Variants in CTSV observed in about 807,000 individuals in gnomAD.
CTSV encodes the protein cathepsin L2.
A neutral mutation model predicts 35.6 loss-of-function variants in CTSV; 33 were observed. The ratio of observed to expected loss-of-function variants is 0.93; its 90% confidence interval spans 0.70 to 1.24. The LOEUF (loss-of-function observed/expected upper bound fraction) is 1.24. CTSV is among the 50% of genes most tolerant of loss of function. The pLI is 0.00. For synonymous variants in CTSV, 154 were observed against 147.1 expected (o/e 1.05, Z -0.34); for missense variants, 408 against 413.1 (o/e 0.99, Z 0.11).
At chr9:97,038,170 G>T in intron 1 of CTSV, 117 bp from the exon 2 acceptor site, 1 of 1,162,318 alleles carries the variant, frequency 8.6e-7, no homozygotes, top group Non-Finnish European at 1.2e-6. Context: ...AAGGACTGTG[G>T]AAGAGGCTGA....
rs202104948 is a variant in CTSV, at chr9:97,037,897, A to C, written c.126+21T>G. 344 of 1,612,394 alleles carry C rather than the reference A, an allele frequency of 2.1e-4. No homozygotes were observed. In the African/African-American group the frequency reaches 3.0e-3, roughly 14 times the overall value. ...ACCATTCTCTCCAGAGTCCCTCTGG[A>C]CAGTTTCAGATGTTACCAACCGCGC... is the stretch of plus-strand genomic sequence containing the variant. On this transcript the variant is annotated intron_variant, in intron 2 of 7. Coordinates refer to ENST00000259470, the MANE Select transcript of CTSV (RefSeq NM_001333.4).
Position 97,030,017 on chromosome 9 carries a change from C to G in CTSV, c.*2932G>C. 6.6e-6 allele frequency: 1 copy of G among 152,178 alleles called. No individual in the cohort carries two copies. The highest frequency in any genetic ancestry group is 1.9e-4 in the East Asian group (1 of 5,202). 9.4% of individuals were successfully genotyped at this position (152,178 alleles called of 1,614,324 possible). ...CCATCTAGGTTTGTGTCAGTGTACTCTATGATGTTCACGTCACGATGAAAT... is the reference window on the plus strand; with the variant it reads ...CCATCTAGGTTTGTGTCAGTGTACTGTATGATGTTCACGTCACGATGAAAT... On this transcript the variant is annotated 3_prime_UTR_variant, in exon 8 of 8. Coordinates refer to ENST00000259470, the MANE Select transcript of CTSV (RefSeq NM_001333.4).
intron 7 of CTSV, among the ~76,000 whole-genome samples, chr9:97,033,471 A>T (rs960912898): frequency 1.3e-5 from 2 of 151,592 alleles, no homozygotes; most frequent in African/African-American, 4.9e-5. Flanking sequence ...AAAAAAAAAA[A>T]AATTAACCGG....
intron 6 of CTSV, among the ~76,000 whole-genome samples, chr9:97,035,278 A>G (rs1828826248): frequency 1.3e-5 from 2 of 152,242 alleles, no homozygotes; most frequent in African/African-American, 2.4e-5. Context: ...ACTTTGAGAA[A>G]AAAAGGCCCA....
chr9:97,034,444 TC>T (rs113951221), intron 7 of CTSV, among the ~76,000 whole-genome samples: 12 of 152,158 alleles, frequency 7.9e-5, no homozygotes, highest in African/African-American at 2.9e-4. Context: ...AAAAAAGCAA[TC>T]AGCTCTCAAA....
At position 97,032,037 on chromosome 9, in the gene CTSV, C is replaced by T. The variant is rs1309091720; in HGVS notation, c.*912G>A. The stretch of plus-strand genomic sequence containing the variant: ...AGCAGCTTCACTTTTTATCACGTAA[C>T]CTAACCATCTTGAGGTTATGTGTCA... On this transcript the variant is annotated 3_prime_UTR_variant, in exon 8 of 8. Coordinates refer to ENST00000259470, the MANE Select transcript of CTSV (RefSeq NM_001333.4). 3.3e-5 allele frequency: 5 copies of T among 152,190 alleles called. No individual in the cohort carries two copies. Among genetic ancestry groups the T allele is most frequent in the Non-Finnish European group, 2.9e-5 (2 of 68,034 alleles). The allele number at this position is 152,190 out of a possible 1,614,324, so 9.4% of individuals were successfully genotyped here.
Position 97,031,429 on chromosome 9 carries a change from T to C in CTSV, c.*1520A>G, listed in dbSNP as rs1281644743. Reference sequence around the variant, plus strand: ...TTTATTTGACTGGAAACATGGGCTTTTAAAACACACACAGGGCTCTCCTTT... The same window carrying C: ...TTTATTTGACTGGAAACATGGGCTTCTAAAACACACACAGGGCTCTCCTTT... On this transcript the variant is annotated 3_prime_UTR_variant, in exon 8 of 8. Coordinates refer to ENST00000259470, the MANE Select transcript of CTSV (RefSeq NM_001333.4). The C allele has an allele frequency of 6.6e-6, 1 of 152,212 alleles. No homozygotes were observed. Among genetic ancestry groups the C allele is most frequent in the Non-Finnish European group, 1.5e-5 (1 of 68,042 alleles). 9.4% of individuals were successfully genotyped at this position (152,212 alleles called of 1,614,324 possible).
chr9:97,035,458 C>T, intron 6 of CTSV, 70 bp downstream of exon 6: 2 of 1,256,266 alleles, frequency 1.6e-6, no homozygotes, highest in Non-Finnish European at 2.1e-6. Flanking sequence ...AGCAGGATGT[C>T]ATATCCAAGA....
rs1331130763 is a variant in CTSV, at chr9:97,030,889, T to C, written c.*2060A>G. 5 of 152,210 alleles carry C rather than the reference T, an allele frequency of 3.3e-5. No homozygotes were observed. The highest frequency in any genetic ancestry group is 2.1e-4 in the South Asian group (1 of 4,832). 9.4% of individuals were successfully genotyped at this position (152,210 alleles called of 1,614,324 possible). Reference sequence around the variant, plus strand: ...TTGTTTATGGCCAGATTTGGGGGCATATCCCCAGCAAATATTGGTTAAGTC... The same window carrying C: ...TTGTTTATGGCCAGATTTGGGGGCACATCCCCAGCAAATATTGGTTAAGTC... On this transcript the variant is annotated 3_prime_UTR_variant, in exon 8 of 8. Transcript: ENST00000259470.
rs199850483 is a variant in CTSV at position 97,032,931 on chromosome 9, T to A, written c.*18A>T. 1 of 1,590,080 alleles carries A rather than the reference T, an allele frequency of 6.3e-7. No individual in the cohort carries two copies. The highest frequency in any genetic ancestry group is 2.2e-5 in the East Asian group (1 of 44,552). On this transcript the variant is annotated 3_prime_UTR_variant, in exon 8 of 8. Transcript: ENST00000259470. ...AGACATGCTGTCCTTAAGTCCTTCCTCCTCACCATCCATCAGCTCACACAT... is the reference window on the plus strand; with the variant it reads ...AGACATGCTGTCCTTAAGTCCTTCCACCTCACCATCCATCAGCTCACACAT...
chr9:97,039,028 G>C (rs949592023), intron 1 of CTSV, 43 bp downstream of exon 1: 1 of 152,480 alleles, frequency 6.6e-6, no homozygotes, highest in African/African-American at 2.4e-5. Flanking sequence ...CCCTCCTCCA[G>C]TCCCCCTTCG....
At position 97,037,291 on chromosome 9, in the gene CTSV, A is replaced by G. The variant is rs757134245; in HGVS notation, c.357T>C (p.Asp119=). The change falls in exon 4 of 8, where the codon GAT becomes GAC. Residue 119 remains aspartate (D), a synonymous_variant. Coordinates refer to ENST00000259470, the MANE Select transcript of CTSV (RefSeq NM_001333.4). ...PLFLDLPKSV[D]WRKKGYVTPV... is the part of the protein sequence containing the mutation. The stretch of plus-strand genomic sequence containing the variant: ...GCGTCACGTAGCCTTTCTTTCTCCA[A>G]TCCACAGATTTGGGAAGATCAAGAA... The G allele has an allele frequency of 3.1e-6, 5 of 1,614,006 alleles. No individual in the cohort carries two copies. Among genetic ancestry groups the G allele is most frequent in the East Asian group, 2.2e-5 (1 of 44,898 alleles).
At chr9:97,034,440 G>A (rs946088215) in intron 7 of CTSV, among the ~76,000 whole-genome samples, 1 of 152,148 alleles carries the variant, frequency 6.6e-6, no homozygotes, top group Non-Finnish European at 1.5e-5. Flanking sequence ...ACAGAAAAAA[G>A]CAATCAGCTC....
rs962972895 is a variant in CTSV at position 97,030,010 on chromosome 9, G to A, written c.*2939C>T. 1.3e-5 allele frequency: 2 copies of A among 152,228 alleles called. No individual in the cohort carries two copies. Among genetic ancestry groups the A allele is most frequent in the Admixed American group, 1.3e-4 (2 of 15,280 alleles). 9.4% of individuals were successfully genotyped at this position (152,228 alleles called of 1,614,324 possible). On this transcript the variant is annotated 3_prime_UTR_variant, in exon 8 of 8. Coordinates refer to ENST00000259470, the MANE Select transcript of CTSV (RefSeq NM_001333.4). The stretch of plus-strand genomic sequence containing the variant: ...GGCTATACCATCTAGGTTTGTGTCA[G>A]TGTACTCTATGATGTTCACGTCACG...
chr9:97,037,620 A>G lies in CTSV; in HGVS notation c.127-5T>C, dbSNP rs1828877233. ...TCTCCTCCATCCTTCTTCATTCTAG[A>G]GGCAAACATATAGCTGGTGGACTTT... On this transcript the variant is annotated splice_region_variant and splice_polypyrimidine_tract_variant and intron_variant, in intron 2 of 7. Coordinates refer to ENST00000259470, the MANE Select transcript of CTSV (RefSeq NM_001333.4). 6.2e-7 allele frequency: 1 copy of G among 1,613,732 alleles called. No individual in the cohort carries two copies. Among genetic ancestry groups the G allele is most frequent in the East Asian group, 2.2e-5 (1 of 44,866 alleles).
intron 6 of CTSV, 89 bp downstream of exon 6, chr9:97,035,439 T>G: frequency 9.3e-7 from 1 of 1,079,936 alleles, no homozygotes; most frequent in Non-Finnish European, 1.2e-6. Flanking sequence ...AAATACTACA[T>G]TCCTGCAAAG....
In CTSV at chr9:97,037,947, T is replaced by G. The variant is rs1332270673; in HGVS notation, c.97A>C (p.Lys33Gln). 1.9e-6 allele frequency: 3 copies of G among 1,614,086 alleles called. No homozygotes were observed. Reference sequence around the variant, plus strand: ...CCATATAATCTTCTGTGTGTTGCCTTCCACTGGTACCACTTTGTATCCAAA... The same window carrying G: ...CCATATAATCTTCTGTGTGTTGCCTGCCACTGGTACCACTTTGTATCCAAA... ...QNLDTKWYQWKATHRRLYGAN... is the reference protein window; with the variant it reads ...QNLDTKWYQWQATHRRLYGAN... The change falls in exon 2 of 8, where the codon AAG (lysine) becomes CAG (glutamine). Residue 33 changes from lysine to glutamine, a missense_variant. Lys to Gln is a moderately conservative substitution (Grantham distance 53). Transcript: ENST00000259470.
At chr9:97,037,749 C>G in intron 2 of CTSV, 134 bp from the exon 3 acceptor site, 1 of 1,414,264 alleles carries the variant, frequency 7.1e-7, no homozygotes, top group South Asian at 1.3e-5. Context: ...AGCTGTTCTC[C>G]AAGCCAAGAC....
rs753507628 is a variant in CTSV at position 97,034,793 on chromosome 9, G to T, written c.838C>A (p.Leu280Met). ...CCTTCAAAGCCGTAGCCAACCACCAGAACACCATGATCCAGGTTTTTGCTG... is the reference window on the plus strand; with the variant it reads ...CCTTCAAAGCCGTAGCCAACCACCATAACACCATGATCCAGGTTTTTGCTG... ...CSSKNLDHGV[L>M]VVGYGFEGAN... Residue 280 changes from leucine (L) to methionine (M), a missense_variant, in exon 7 of 8, where the codon CTG becomes ATG. Leu to Met is a conservative substitution (Grantham distance 15, BLOSUM62 2). Transcript: ENST00000259470. 6.2e-7 allele frequency: 1 copy of T among 1,614,102 alleles called. No individual in the cohort carries two copies. The highest frequency in any genetic ancestry group is 1.1e-5 in the South Asian group (1 of 91,076).
Sources: gnomAD v4.1 joint callset for allele counts (sites outside exome capture counted in the v4.1 genomes callset) on GRCh38, gnomAD v4.1.1 for gene constraint, MANE v1.5 for transcripts, NCBI Gene and HGNC (gene_info 2026-07-23, HGNC 2026-07-21) for gene names.